PLXNA2: variants seen among roughly 807,000 people sequenced by gnomAD.
The protein encoded by PLXNA2 is plexin-A2.
PLXNA2 carries 91 observed loss-of-function variants against 193.5 expected under a neutral mutation model. The observed-to-expected ratio is 0.47, with a 90% CI of 0.40 to 0.56. The LOEUF is 0.56. Ranked by LOEUF, PLXNA2 falls within the 20% of genes least tolerant of loss-of-function variation. The pLI is 0.00. For synonymous variants in PLXNA2, 997 were observed against 1,027.3 expected, an observed-to-expected ratio of 0.97 and a Z score of 0.56; for missense variants, 1,995 against 2,503.2, an observed-to-expected ratio of 0.80 and a Z score of 4.33.
At chr1:208,059,754 C>T (rs924492216) in intron 13 of PLXNA2, among the ~76,000 whole-genome samples, 1 of 152,148 alleles carries the variant, frequency 6.6e-6, no homozygotes, top group Non-Finnish European at 1.5e-5. Flanking sequence ...GAGTCCTTAC[C>T]AATTAAAAAT....
At chr1:208,212,019 G>T (rs1670972824) in intron 2 of PLXNA2, among the ~76,000 whole-genome samples, 1 of 152,210 alleles carries the variant, frequency 6.6e-6, no homozygotes, top group South Asian at 2.1e-4. Context: ...GAATCCTGTG[G>T]CAAAGGCTGC....
At chr1:208,177,736 T>A (rs1218032954) in intron 3 of PLXNA2, among the ~76,000 whole-genome samples, 5 of 152,224 alleles carry the variant, frequency 3.3e-5, no homozygotes, top group Non-Finnish European at 7.3e-5. Context: ...TCAACCGTGG[T>A]CCCCAGAGCA....
intron 4 of PLXNA2, among the ~76,000 whole-genome samples, chr1:208,111,155 A>T (rs557733686): frequency 1.0e-3 from 156 of 152,174 alleles, no homozygotes; most frequent in Non-Finnish European, 1.9e-3. Flanking sequence ...GGCTCAACGG[A>T]TTCTCTTGCC....
intron 5 of PLXNA2, among the ~76,000 whole-genome samples, chr1:208,100,153 T>C (rs78672975): frequency 0.02 from 3,063 of 152,060 alleles, 85 homozygotes; most frequent in African/African-American, 0.068. Context: ...ATGAGGAGGA[T>C]TGCTTGAGCC....
In PLXNA2 at chr1:208,150,083, C is replaced by A. The variant is rs534203907; in HGVS notation, c.1372-7620G>T. On this transcript the variant is annotated intron_variant, in intron 3 of 31. Transcript: ENST00000367033. ...AACTTGGCCCGTGGTTTGCACTGAG[C>A]TAGCAGAGGAGAGGAAGAAGGGAAA... Among the ~76,000 whole-genome samples the A allele has an allele frequency of 2.9e-4, 44 of 152,224 alleles. 1 individual carries two copies. In the South Asian group the frequency reaches 2.9e-3, roughly 10 times the overall value.
chr1:208,096,601 G>A (rs1015377583), intron 7 of PLXNA2, 129 bp downstream of exon 7: 44 of 1,105,654 alleles, frequency 4.0e-5, no homozygotes, highest in African/African-American at 3.3e-4. Context: ...GCTTTCAAAC[G>A]TAAACAAGTT....
chr1:208,168,125 T>C (rs1209178428), intron 3 of PLXNA2, among the ~76,000 whole-genome samples: 1 of 152,198 alleles, frequency 6.6e-6, no homozygotes. Flanking sequence ...CATCTACTTA[T>C]GTGGAAAGTA....
chr1:208,058,375 TG>T (rs1337550933), intron 13 of PLXNA2, among the ~76,000 whole-genome samples: 70 of 152,330 alleles, frequency 4.6e-4, no homozygotes, highest in Non-Finnish European at 5.9e-5. Flanking sequence ...ACCTAATTGC[TG>T]AGTGATAGAT....
At chr1:208,233,988 G>C (rs1191683035) in intron 1 of PLXNA2, among the ~76,000 whole-genome samples, 1 of 152,174 alleles carries the variant, frequency 6.6e-6, no homozygotes, top group Non-Finnish European at 1.5e-5. Flanking sequence ...GGAGAGGTCA[G>C]TTCTCACAGG....
chr1:208,172,610 G>A (rs1339511670), intron 3 of PLXNA2, among the ~76,000 whole-genome samples: 2 of 152,086 alleles, frequency 1.3e-5, no homozygotes, highest in African/African-American at 2.4e-5. Flanking sequence ...GTTCTTGGGT[G>A]GCAACTATCC....
chr1:208,109,592 G>A (rs1378617962), intron 4 of PLXNA2, among the ~76,000 whole-genome samples: 1 of 152,226 alleles, frequency 6.6e-6, no homozygotes, highest in South Asian at 2.1e-4. Context: ...GACAGGTATT[G>A]TTATGTGTTA....
intron 4 of PLXNA2, among the ~76,000 whole-genome samples, chr1:208,127,127 A>G (rs1307889708): frequency 6.6e-6 from 1 of 152,198 alleles, no homozygotes; most frequent in African/African-American, 2.4e-5. Flanking sequence ...GGGAGGCATA[A>G]GGCTTGCCAA....
Position 208,045,091 on chromosome 1 carries a change from G to A in PLXNA2, c.3615C>T (p.Asn1205=), listed in dbSNP as rs760702914. Reference sequence around the variant, plus strand: ...CCATGACCTTGTGCTGCCCGGTGAGGTTGGGAGGCTCGCAGAGAAGCTGGG... The same window carrying A: ...CCATGACCTTGTGCTGCCCGGTGAGATTGGGAGGCTCGCAGAGAAGCTGGG... ...SETQLLCEPP[N]LTGQHKVMVH... Residue 1205 remains asparagine, a synonymous_variant, in exon 19 of 32, where the codon AAC becomes AAT. Transcript: ENST00000367033. 4 of 1,614,188 alleles carry A rather than the reference G, an allele frequency of 2.5e-6. No individual in the cohort carries two copies. The highest frequency in any genetic ancestry group is 1.1e-5 in the South Asian group (1 of 91,078).
intron 3 of PLXNA2, among the ~76,000 whole-genome samples, chr1:208,186,673 A>G (rs1670008044): frequency 6.7e-6 from 1 of 150,170 alleles, no homozygotes; most frequent in Admixed American, 6.6e-5. Context: ...AGAAGTAGCT[A>G]AGGAATGAAG....
intron 29 of PLXNA2, chr1:208,029,935 C>A (rs576984086): frequency 3.0e-6 from 3 of 985,450 alleles, no homozygotes; most frequent in Non-Finnish European, 3.6e-6. Context: ...CCGGTCCTGT[C>A]ACAGGCTTGT....
At chr1:208,192,579 G>C (rs994603836) in intron 3 of PLXNA2, among the ~76,000 whole-genome samples, 5 of 152,068 alleles carry the variant, frequency 3.3e-5, no homozygotes, top group Admixed American at 6.5e-5. Flanking sequence ...GAACTCAAAG[G>C]CACACTTTTT....
rs774608525 is a variant in PLXNA2, at chr1:208,048,169, C to T, written c.3256-2052G>A. Among the ~76,000 whole-genome samples the T allele has an allele frequency of 7.2e-5, 11 of 152,314 alleles. No homozygotes were observed. In the East Asian group the frequency reaches 1.4e-3, roughly 19 times the overall value. ...CACTCCCAAGCAAGAGGCCTCTGGA[C>T]GCTGCCTGCCCCGTGCTGCGTCGGC... On this transcript the variant is annotated intron_variant, in intron 17 of 31. Coordinates refer to ENST00000367033, the MANE Select transcript of PLXNA2 (RefSeq NM_025179.4).
intron 1 of PLXNA2, among the ~76,000 whole-genome samples, chr1:208,239,952 G>A (rs1330743908): frequency 6.6e-6 from 1 of 152,122 alleles, no homozygotes; most frequent in Non-Finnish European, 1.5e-5. Context: ...GGTGAAGGGG[G>A]GTATGGGGGA....
chr1:208,074,469 C>T (rs541733289), intron 12 of PLXNA2, among the ~76,000 whole-genome samples: 60 of 152,266 alleles, frequency 3.9e-4, no homozygotes, highest in Non-Finnish European at 7.2e-4. Context: ...GAAGGTAAGT[C>T]CTGAGGGGGT....
Sources: gnomAD v4.1 joint callset for allele counts (sites outside exome capture counted in the v4.1 genomes callset) on GRCh38, gnomAD v4.1.1 for gene constraint, MANE v1.5 for transcripts, NCBI Gene and HGNC (gene_info 2026-07-23, HGNC 2026-07-21) for gene names.